EBF3: variants seen among roughly 807,000 people sequenced by gnomAD.
The protein encoded by EBF3 is EBF transcription factor 3.
EBF3 carries 18 observed loss-of-function variants against 77.1 expected under a neutral mutation model. The ratio of observed to expected loss-of-function variants is 0.23; its 90% CI spans 0.16 to 0.35. The LOEUF (loss-of-function observed/expected upper bound fraction) is 0.35, where lower values mean the gene tolerates loss of function less well. EBF3 is among the 10% of genes least tolerant of loss of function. EBF3 has a pLI of 1.00. For synonymous variants in EBF3, 350 were observed against 343.5 expected, an observed-to-expected ratio of 1.02 and a Z score of -0.21; for missense variants, 558 against 860.0, an observed-to-expected ratio of 0.65 and a Z score of 4.39.
chr10:129,858,448 C>G (rs1851404552), intron 10 of EBF3, among the ~76,000 whole-genome samples: 1 of 152,196 alleles, frequency 6.6e-6, no homozygotes, highest in African/African-American at 2.4e-5. Flanking sequence ...TTTGGAAGCT[C>G]AGTGCCCACA....
chr10:129,873,933 C>T (rs192971171), intron 7 of EBF3, among the ~76,000 whole-genome samples: 47 of 152,236 alleles, frequency 3.1e-4, no homozygotes, highest in African/African-American at 1.0e-3. Context: ...ATTTTAAAGC[C>T]GCTGTTTTGA....
chr10:129,960,753 CG>C (rs1859451675), intron 4 of EBF3, among the ~76,000 whole-genome samples: 2 of 150,428 alleles, frequency 1.3e-5, no homozygotes, highest in Admixed American at 1.3e-4. Flanking sequence ...GTACTTAAAA[CG>C]AAGCCTCCTC....
In EBF3 at chr10:129,959,048, C is replaced by T. The variant is rs112529100; in HGVS notation, c.412-41G>A. On this transcript the variant is annotated intron_variant, in intron 4 of 16. Coordinates refer to ENST00000440978, the MANE Select transcript of EBF3 (RefSeq NM_001375380.1). ...GCAGAGGCTGGGGTTACGCGGCGCC[C>T]GCGGCTTTGGCGCCAAATCGCCCCG... The T allele has an allele frequency of 2.5e-6, 4 of 1,595,274 alleles. No individual in the cohort carries two copies. The East Asian group carries it at 7.0e-5, about 28-fold the overall frequency.
In EBF3 at chr10:129,917,651, C is replaced by CAAAAAAAAAAAAAAAAAAAAAA. The variant is rs71481019; in HGVS notation, c.554+39585_554+39606dup. ...TGGGCACCACAGCAAGACCCTGCCT[C>CAAAAAAAAAAAAAAAAAAAAAA]AAAAAAAAAAAAAAAAAAAAAAAAA... On this transcript the variant is annotated intron_variant, in intron 6 of 16. Transcript: ENST00000440978. Among the ~76,000 whole-genome samples the CAAAAAAAAAAAAAAAAAAAAAA allele has an allele frequency of 2.4e-3, 57 of 23,594 alleles. 10 individuals carry two copies. Among genetic ancestry groups the CAAAAAAAAAAAAAAAAAAAAAA allele is most frequent in the African/African-American group, 4.3e-3 (23 of 5,332 alleles). 15.5% of individuals were successfully genotyped at this position (23,594 alleles called of 152,430 possible).
At chr10:129,874,865 A>G (rs1252372570) in intron 7 of EBF3, among the ~76,000 whole-genome samples, 2 of 152,122 alleles carry the variant, frequency 1.3e-5, no homozygotes, top group African/African-American at 4.8e-5. Flanking sequence ...GCGACACATC[A>G]GTGTTGGGTC....
intron 6 of EBF3, among the ~76,000 whole-genome samples, chr10:129,934,566 T>C (rs770911550): frequency 1.3e-5 from 2 of 152,164 alleles, no homozygotes; most frequent in Non-Finnish European, 2.9e-5. Context: ...ATTGTTTGAC[T>C]ATTAGCTCAT....
chr10:129,963,310 A>G lies in EBF3; in HGVS notation c.291+57T>C. 1.3e-6 allele frequency: 2 copies of G among 1,548,374 alleles called. No individual in the cohort carries two copies. Among genetic ancestry groups the G allele is most frequent in the Non-Finnish European group, 1.7e-6 (2 of 1,150,010 alleles). ...GGCACTCGAACCCCCGCGCACCGGC[A>G]CCGCCTGCCTCCCGCTTCTAGAAAG... On this transcript the variant is annotated intron_variant, in intron 2 of 16. Coordinates refer to ENST00000440978, the MANE Select transcript of EBF3 (RefSeq NM_001375380.1). This position sits in a 1 kb window ranked among gnomAD's most constrained non-coding sequence, Gnocchi z 7.1.
At chr10:129,873,706 G>C (rs1289682021) in intron 7 of EBF3, 110 bp from the exon 8 acceptor site, 2 of 1,206,990 alleles carry the variant, frequency 1.7e-6, no homozygotes, top group African/African-American at 3.1e-5. Flanking sequence ...GAAATTTCAC[G>C]TGTTCCTGGA....
At chr10:129,920,342 C>T in intron 6 of EBF3, among the ~76,000 whole-genome samples, 1 of 151,908 alleles carries the variant, frequency 6.6e-6, no homozygotes, top group Non-Finnish European at 1.5e-5. Flanking sequence ...AGGAGGGCCA[C>T]AAACCCGCCC....
chr10:129,898,498 G>A (rs530090488), intron 6 of EBF3, among the ~76,000 whole-genome samples: 133 of 152,240 alleles, frequency 8.7e-4, no homozygotes, highest in Non-Finnish European at 1.5e-4. Flanking sequence ...CTTGTTCTGG[G>A]GACCGCCCCC....
intron 6 of EBF3, among the ~76,000 whole-genome samples, chr10:129,923,091 A>G (rs552286127): frequency 1.3e-5 from 2 of 152,296 alleles, no homozygotes; most frequent in South Asian, 2.1e-4. Context: ...AGAATGGCAT[A>G]AGAACATCCT....
Position 129,863,512 on chromosome 10 carries a change from C to T in EBF3, c.1039+3629G>A, listed in dbSNP as rs770105429. On this transcript the variant is annotated intron_variant, in intron 10 of 16. Transcript: ENST00000440978. The surrounding 1 kb of genome is among the most constrained non-coding windows in gnomAD (Gnocchi z 4.0). The stretch of plus-strand genomic sequence containing the variant: ...AAAGCCCCTCCCAGCCTCTGGCGGG[C>T]GGCCCCTCCTCTGAGCACAGGTTCA... Among the ~76,000 whole-genome samples, 44 of 152,324 alleles carry T rather than the reference C, an allele frequency of 2.9e-4. No individual in the cohort carries two copies. The highest frequency in any genetic ancestry group is 5.9e-4 in the Non-Finnish European group (40 of 68,030).
At chr10:129,900,763 T>C (rs1282205121) in intron 6 of EBF3, among the ~76,000 whole-genome samples, 3 of 152,254 alleles carry the variant, frequency 2.0e-5, no homozygotes, top group Non-Finnish European at 4.4e-5. Flanking sequence ...AACTTCTGCA[T>C]ACAGATTTCT....
intron 6 of EBF3, among the ~76,000 whole-genome samples, chr10:129,934,007 C>A (rs948281731): frequency 1.3e-5 from 2 of 152,266 alleles, no homozygotes; most frequent in South Asian, 4.1e-4. Flanking sequence ...GCTGGGCTTG[C>A]CAGATTTAGC....
rs998337673 is a variant in EBF3, at chr10:129,864,987, G to A, written c.1039+2154C>T. Among the ~76,000 whole-genome samples the A allele has an allele frequency of 2.0e-5, 3 of 152,224 alleles. No individual in the cohort carries two copies. Among genetic ancestry groups the A allele is most frequent in the Non-Finnish European group, 2.9e-5 (2 of 68,042 alleles). The stretch of plus-strand genomic sequence containing the variant: ...CAAAACCTTGCCAGATAGAGCAGAG[G>A]AGAAATTGGGACCACAGGAGTAAGC... On this transcript the variant is annotated intron_variant, in intron 10 of 16. Transcript: ENST00000440978. The surrounding 1 kb of genome is among the most constrained non-coding windows in gnomAD (Gnocchi z 4.4).
chr10:129,877,058 A>G (rs796925287), intron 7 of EBF3, among the ~76,000 whole-genome samples: 3 of 152,228 alleles, frequency 2.0e-5, no homozygotes, highest in African/African-American at 7.2e-5. Context: ...GGCCAGGAAG[A>G]GACTCTGGCA....
intron 11 of EBF3, among the ~76,000 whole-genome samples, chr10:129,847,294 C>T (rs193086184): frequency 6.6e-6 from 1 of 152,140 alleles, no homozygotes; most frequent in Non-Finnish European, 1.5e-5. Context: ...ACAAAGCCAG[C>T]CCTAGATGGA....
Position 129,840,249 on chromosome 10 carries a change from C to T in EBF3, c.1755G>A (p.Leu585=), listed in dbSNP as rs1447203538. 1.3e-6 allele frequency: 2 copies of T among 1,570,828 alleles called. No individual in the cohort carries two copies. The highest frequency in any genetic ancestry group is 2.3e-5 in the East Asian group (1 of 42,878). ...ACGGCCCCGCACCACCCTCACCTTGCAGTCCATTCCCGTTGGCGCTGGTGC... is the reference window on the plus strand; with the variant it reads ...ACGGCCCCGCACCACCCTCACCTTGTAGTCCATTCCCGTTGGCGCTGGTGC... ...PSCTSANGNG[L]QGSLLGAEDV... The change falls in exon 15 of 17, where the codon CTG becomes CTA. Residue 585 remains leucine, a synonymous_variant. Coordinates refer to ENST00000440978, the MANE Select transcript of EBF3 (RefSeq NM_001375380.1).
intron 6 of EBF3, among the ~76,000 whole-genome samples, chr10:129,895,352 G>A (rs541678720): frequency 1.1e-3 from 162 of 152,334 alleles, no homozygotes; most frequent in African/African-American, 3.6e-3. Context: ...GAGGCCCTGC[G>A]ACAAGGCTTC....
Sources: gnomAD v4.1 joint callset for allele counts (sites outside exome capture counted in the v4.1 genomes callset) on GRCh38, gnomAD v4.1.1 for gene constraint, Gnocchi (gnomAD v3.1) non-coding constraint, MANE v1.5 for transcripts, NCBI Gene and HGNC (gene_info 2026-07-23, HGNC 2026-07-21) for gene names.